The following MAPKAP1 variants were observed in gnomAD, a reference collection of about 807,000 sequenced individuals.
The protein encoded by MAPKAP1 is target of rapamycin complex 2 subunit MAPKAP1.
In MAPKAP1, 20 loss-of-function variants were observed where a neutral mutation model predicts 65.7. That is an observed-to-expected ratio of 0.30 (90% CI 0.21 to 0.44). The LOEUF (loss-of-function observed/expected upper bound fraction) is 0.44, where lower values mean the gene tolerates loss of function less well. Among genes scored for constraint, MAPKAP1 ranks in the 20% least tolerant of loss-of-function variants. The pLI, the probability that MAPKAP1 is intolerant of heterozygous loss-of-function variation, is 1.00. For synonymous variants in MAPKAP1, 222 were observed against 244.3 expected (o/e 0.91, Z 0.85); for missense variants, 423 against 648.0 (o/e 0.65, Z 3.77).
intron 7 of MAPKAP1, among the ~76,000 whole-genome samples, chr9:125,519,652 T>TTTTATATATATATA (rs1554815771): frequency 7.1e-6 from 1 of 141,716 alleles, no homozygotes; most frequent in African/African-American, 2.6e-5. Flanking sequence ...TATATGTCTT[T>TTTTATATATATATA]TATATATATA....
chr9:125,686,705 C>T (rs1834990094), intron 1 of MAPKAP1, among the ~76,000 whole-genome samples: 2 of 152,170 alleles, frequency 1.3e-5, no homozygotes, highest in South Asian at 2.1e-4. Flanking sequence ...CTCAGAGGTA[C>T]GAGGAATCTC....
At chr9:125,597,264 CAAAAAAAA>C (rs35917056) in intron 4 of MAPKAP1, among the ~76,000 whole-genome samples, 5 of 52,676 alleles carry the variant, frequency 9.5e-5, no homozygotes, top group African/African-American at 9.0e-5. Context: ...GACTCCGTCT[CAAAAAAAA>C]AAAAAAAAAA....
At position 125,608,695 on chromosome 9, in the gene MAPKAP1, T is replaced by C. The variant is rs116364730; in HGVS notation, c.499-22968A>G. Among the ~76,000 whole-genome samples, 656 of 152,218 alleles carry C rather than the reference T, an allele frequency of 4.3e-3. 6 individuals are homozygous for C. Among genetic ancestry groups the C allele is most frequent in the African/African-American group, 0.015 (614 of 41,540 alleles). ...CTTTTCCGACGCCTGCGCTCAGGGG[T>C]TTCCCTGGGGTTTCCTTTCCAACAA... On this transcript the variant is annotated intron_variant, in intron 4 of 11. Coordinates refer to ENST00000265960, the MANE Select transcript of MAPKAP1 (RefSeq NM_001006617.3).
At chr9:125,693,411 C>A (rs929470056) in intron 1 of MAPKAP1, among the ~76,000 whole-genome samples, 1 of 110,064 alleles carries the variant, frequency 9.1e-6, no homozygotes, top group East Asian at 2.2e-4. Context: ...CGAAATTCCG[C>A]CTCAAAAAAA....
At chr9:125,522,030 G>A (rs1829633304) in intron 7 of MAPKAP1, among the ~76,000 whole-genome samples, 2 of 152,218 alleles carry the variant, frequency 1.3e-5, no homozygotes, top group South Asian at 4.1e-4. Context: ...GTAGTTGTAT[G>A]TACTTGACAG....
chr9:125,567,605 T>A (rs917634647), intron 5 of MAPKAP1: 3 of 152,138 alleles, frequency 2.0e-5, no homozygotes, highest in Non-Finnish European at 4.4e-5. Context: ...GAGTAGCCAT[T>A]CTTTTATTCC....
At chr9:125,672,877 G>A (rs1398982015) in intron 1 of MAPKAP1, among the ~76,000 whole-genome samples, 1 of 152,178 alleles carries the variant, frequency 6.6e-6, no homozygotes, top group Non-Finnish European at 1.5e-5. Context: ...TTGCACTCTT[G>A]CAAAACAAAT....
Position 125,459,523 on chromosome 9 carries a change from C to A in MAPKAP1, c.1345+8449G>T, listed in dbSNP as rs7848923. Among the ~76,000 whole-genome samples, 915 of 152,076 alleles carry A rather than the reference C, an allele frequency of 6.0e-3. 8 individuals are homozygous for A. The highest frequency in any genetic ancestry group is 0.021 in the African/African-American group (882 of 41,448). On this transcript the variant is annotated intron_variant, in intron 10 of 11. Coordinates refer to ENST00000265960, the MANE Select transcript of MAPKAP1 (RefSeq NM_001006617.3). Reference sequence around the variant, plus strand: ...ACGCCACTGCACTCCAGCCTGGGCACCATTGAGCACTGAGTGAACGAGACT... The same window carrying A: ...ACGCCACTGCACTCCAGCCTGGGCAACATTGAGCACTGAGTGAACGAGACT...
At chr9:125,645,596 G>A (rs1333425751) in intron 4 of MAPKAP1, among the ~76,000 whole-genome samples, 2 of 152,086 alleles carry the variant, frequency 1.3e-5, no homozygotes, top group Non-Finnish European at 2.9e-5. Context: ...AATTAGCCAG[G>A]CGTGGTGGCA....
intron 5 of MAPKAP1, among the ~76,000 whole-genome samples, chr9:125,560,630 A>T (rs1322298702): frequency 6.6e-6 from 1 of 152,200 alleles, no homozygotes; most frequent in Non-Finnish European, 1.5e-5. Context: ...TGTGCTCTAG[A>T]TCAGGAGAAA....
chr9:125,638,047 C>T (rs1475392987), intron 4 of MAPKAP1, among the ~76,000 whole-genome samples: 1 of 152,130 alleles, frequency 6.6e-6, no homozygotes, highest in Non-Finnish European at 1.5e-5. Flanking sequence ...GCTGGGATTA[C>T]AGGTCTGAGC....
rs1854586368 is a variant in MAPKAP1 at position 125,488,686 on chromosome 9, G to A, written c.1067-4103C>T. 1.3e-5 allele frequency among the ~76,000 whole-genome samples: 2 copies of A among 152,214 alleles called. 1 individual carries two copies. Among genetic ancestry groups the A allele is most frequent in the South Asian group, 4.1e-4 (2 of 4,832 alleles). Reference sequence around the variant, plus strand: ...CAAAGTAGGCTCAGGAGTACCACTTGTTGGAGGGGTCATGTCTATTGTATA... The same window carrying A: ...CAAAGTAGGCTCAGGAGTACCACTTATTGGAGGGGTCATGTCTATTGTATA... On this transcript the variant is annotated intron_variant, in intron 8 of 11. Coordinates refer to ENST00000265960, the MANE Select transcript of MAPKAP1 (RefSeq NM_001006617.3).
At chr9:125,615,090 A>G (rs1188644393) in intron 4 of MAPKAP1, among the ~76,000 whole-genome samples, 2 of 152,202 alleles carry the variant, frequency 1.3e-5, no homozygotes, top group Non-Finnish European at 2.9e-5. Context: ...AATCAACTAC[A>G]TTTCTATATA....
At chr9:125,482,133 A>AC in intron 9 of MAPKAP1, among the ~76,000 whole-genome samples, 1 of 78,134 alleles carries the variant, frequency 1.3e-5, no homozygotes, top group Non-Finnish European at 2.8e-5. Context: ...ACTCTGTCTA[A>AC]AAAAAAAAAA....
intron 5 of MAPKAP1, among the ~76,000 whole-genome samples, chr9:125,569,425 G>A (rs571616156): frequency 2.6e-5 from 4 of 152,144 alleles, no homozygotes; most frequent in African/African-American, 9.7e-5. Flanking sequence ...GAAGTAAGTC[G>A]TTTCTGGTTT....
rs1186286959 is a variant in MAPKAP1 at position 125,507,903 on chromosome 9, G to A, written c.959-1486C>T. ...AAAGTGTTAAATAAGGCCAGGCATG[G>A]TAGCCCCCTTAGCGATTCTCCCAAA... On this transcript the variant is annotated intron_variant, in intron 7 of 11. Coordinates refer to ENST00000265960, the MANE Select transcript of MAPKAP1 (RefSeq NM_001006617.3). Among the ~76,000 whole-genome samples, 3 of 151,998 alleles carry A rather than the reference G, an allele frequency of 2.0e-5. No individual in the cohort carries two copies. The East Asian group carries it at 5.8e-4, about 29-fold the overall frequency.
intron 8 of MAPKAP1, among the ~76,000 whole-genome samples, chr9:125,491,998 C>A (rs1053198885): frequency 6.7e-6 from 1 of 149,092 alleles, no homozygotes; most frequent in African/African-American, 2.5e-5. Context: ...GAAGAGCAGC[C>A]TGAGCAACAT....
At chr9:125,479,853 A>C (rs980754962) in intron 9 of MAPKAP1, among the ~76,000 whole-genome samples, 61 of 152,346 alleles carry the variant, frequency 4.0e-4, no homozygotes, top group African/African-American at 1.4e-3. Flanking sequence ...CTTTCCACTT[A>C]AAAGATGTTG....
chr9:125,553,956 G>A (rs953896072), intron 6 of MAPKAP1, among the ~76,000 whole-genome samples: 35 of 151,908 alleles, frequency 2.3e-4, no homozygotes, highest in African/African-American at 8.0e-4. Flanking sequence ...ACGATTGCTC[G>A]AGCCTGGGAG....
Sources: gnomAD v4.1 joint callset for allele counts (sites outside exome capture counted in the v4.1 genomes callset) on GRCh38, gnomAD v4.1.1 for gene constraint, MANE v1.5 for transcripts, NCBI Gene and HGNC (gene_info 2026-07-23, HGNC 2026-07-21) for gene names.